C6orf89: variants seen among roughly 807,000 people sequenced by gnomAD.
C6orf89 encodes the protein bombesin receptor-activated protein C6orf89.
A neutral mutation model predicts 40.7 loss-of-function variants in C6orf89; 29 were observed. The observed-to-expected ratio is 0.71, with a 90% confidence interval of 0.53 to 0.97. The LOEUF (loss-of-function observed/expected upper bound fraction) is 0.97, where lower values mean the gene tolerates loss of function less well. Among genes scored for constraint, C6orf89 ranks in the 50% least tolerant of loss-of-function variants. C6orf89 has a pLI of 0.00. For missense variants in C6orf89, 392 were observed against 429.1 expected (o/e 0.91, Z 0.76); for synonymous variants, 165 against 152.2 (o/e 1.08, Z -0.62).
rs574916140 is a variant in C6orf89 at position 36,907,241 on chromosome 6, T to A, written c.403+4807T>A. On this transcript the variant is annotated intron_variant, in intron 4 of 8. Transcript: ENST00000480824. ...TCTTTTCTTTCTTCCCTATCCTTTT[T>A]ATCCAGAGGGAGTTTTTTGTCCTGG... Among the ~76,000 whole-genome samples, 76 of 152,172 alleles carry A rather than the reference T, an allele frequency of 5.0e-4. 1 individual carries two copies. The highest frequency in any genetic ancestry group is 9.4e-4 in the Non-Finnish European group (64 of 68,028).
At chr6:36,879,478 A>T (rs115667305) in intron 2 of C6orf89, among the ~76,000 whole-genome samples, 72 of 152,346 alleles carry the variant, frequency 4.7e-4, no homozygotes, top group African/African-American at 1.7e-3. Flanking sequence ...TGCCAGCAAA[A>T]GAGTAAGAAT....
At chr6:36,884,780 C>T (rs1370228556), upstream of C6orf89, among the ~76,000 whole-genome samples, 1 of 152,070 alleles carries the variant, frequency 6.6e-6, no homozygotes, top group Non-Finnish European at 1.5e-5. The surrounding 1 kb of genome is among the most constrained non-coding windows in gnomAD (Gnocchi z 4.0). Context: ...CCAAACCAAA[C>T]TAAAATGGAG....
chr6:36,904,767 A>C (rs1476710939), intron 4 of C6orf89, among the ~76,000 whole-genome samples: 1 of 152,170 alleles, frequency 6.6e-6, no homozygotes, highest in Non-Finnish European at 1.5e-5. Context: ...TCCCGAAAGG[A>C]AACCCCATAT....
In C6orf89 at chr6:36,916,794, C is replaced by A. The variant is rs139497629; in HGVS notation, c.825+220C>A. On this transcript the variant is annotated intron_variant, in intron 7 of 8. Transcript: ENST00000480824. ...GTTTCCAGAAAATCTAGTTACCTTG[C>A]AAATCTGCCTCCTGCCCTTAACACC... Among the ~76,000 whole-genome samples, 356 of 152,308 alleles carry A rather than the reference C, an allele frequency of 2.3e-3. 1 individual carries two copies. Among genetic ancestry groups the A allele is most frequent in the African/African-American group, 7.3e-3 (305 of 41,576 alleles).
Position 36,914,567 on chromosome 6 carries a change from T to C in C6orf89, c.569T>C (p.Leu190Pro). 6.2e-7 allele frequency: 1 copy of C among 1,614,156 alleles called. No homozygotes were observed. The highest frequency in any genetic ancestry group is 8.5e-7 in the Non-Finnish European group (1 of 1,179,954). Reference sequence around the variant, plus strand: ...TGCCTTGCCAAGACGGGAAAGCCCCTGTTGGAGGAAGAGATTCAGCATTTT... The same window carrying C: ...TGCCTTGCCAAGACGGGAAAGCCCCCGTTGGAGGAAGAGATTCAGCATTTT... ...HPLVIKTGKP[L>P]LEEEIQHFLC... Residue 190 changes from leucine (L) to proline (P), a missense_variant, in exon 6 of 9, where the codon CTG (leucine) becomes CCG (proline). By Grantham distance (98) the Leu-to-Pro change is moderately conservative. Coordinates refer to ENST00000480824, the MANE Select transcript of C6orf89 (RefSeq NM_001286635.2).
At chr6:36,872,208 T>C (rs900418758) in intron 1 of C6orf89, among the ~76,000 whole-genome samples, 1 of 151,572 alleles carries the variant, frequency 6.6e-6, no homozygotes, top group Non-Finnish European at 1.5e-5. Flanking sequence ...ACCCCTAAAT[T>C]AGGAAAAAAA....
intron 1 of C6orf89, among the ~76,000 whole-genome samples, chr6:36,893,295 A>G (rs573996465): frequency 1.3e-5 from 2 of 152,096 alleles, no homozygotes; most frequent in East Asian, 3.9e-4. Flanking sequence ...ATCGTATCCA[A>G]CCAAATCCCA....
At position 36,914,306 on chromosome 6, in the gene C6orf89, C is replaced by T. The variant is rs753838900; in HGVS notation, c.426C>T (p.Asn142=). ...PFPDFDPWWT[N]DCEQNESEPI... ...CAGACTTTGACCCCTGGTGGACAAACGACTGTGAGCAGAATGAGTCAGAGC... is the reference window on the plus strand; with the variant it reads ...CAGACTTTGACCCCTGGTGGACAAATGACTGTGAGCAGAATGAGTCAGAGC... Residue 142 remains asparagine (N), a synonymous_variant, in exon 5 of 9, where the codon AAC becomes AAT. Coordinates refer to ENST00000480824, the MANE Select transcript of C6orf89 (RefSeq NM_001286635.2). 6 of 1,613,778 alleles carry T rather than the reference C, an allele frequency of 3.7e-6. No homozygotes were observed. The highest frequency in any genetic ancestry group is 4.2e-6 in the Non-Finnish European group (5 of 1,179,890).
chr6:36,912,159 C>T (rs1329554816), intron 4 of C6orf89, among the ~76,000 whole-genome samples: 1 of 152,128 alleles, frequency 6.6e-6, no homozygotes, highest in Non-Finnish European at 1.5e-5. Flanking sequence ...CCTCTGCAGC[C>T]TGTTTCCTTA....
At chr6:36,887,470 GACAGGA>G (rs1775037372) in intron 1 of C6orf89, among the ~76,000 whole-genome samples, 1 of 152,186 alleles carries the variant, frequency 6.6e-6, no homozygotes, top group Admixed American at 6.5e-5. Flanking sequence ...GTGGGAGGTA[GACAGGA>G]AAATAGATGT....
At position 36,927,761 on chromosome 6, in the gene C6orf89, G is replaced by C. The variant is rs1359034359; in HGVS notation, c.*4320G>C. 6.6e-6 allele frequency: 1 copy of C among 152,300 alleles called. No individual in the cohort carries two copies. 9.4% of individuals were successfully genotyped at this position (152,300 alleles called of 1,614,324 possible). ...CTAGGAGAGTGAAGGCGCTTGTGGA[G>C]ACAGCTCTGTAGCAAATGAAACACG... On this transcript the variant is annotated 3_prime_UTR_variant, in exon 9 of 9. Transcript: ENST00000480824.
upstream of C6orf89, among the ~76,000 whole-genome samples, chr6:36,882,798 C>A (rs372622446): frequency 7.1e-6 from 1 of 141,644 alleles, no homozygotes; most frequent in African/African-American, 2.6e-5. Context: ...ACTGCAGTGG[C>A]GCAATCTCGG....
chr6:36,911,705 T>A (rs1477054108), intron 4 of C6orf89, among the ~76,000 whole-genome samples: 1 of 151,986 alleles, frequency 6.6e-6, no homozygotes, highest in Non-Finnish European at 1.5e-5. Context: ...CAGAAAAGTG[T>A]CATAATAAAT....
upstream of C6orf89, among the ~76,000 whole-genome samples, chr6:36,882,299 T>C (rs1774834966): frequency 1.3e-5 from 2 of 152,402 alleles, no homozygotes; most frequent in Middle Eastern, 3.4e-3. Flanking sequence ...CTCTAGATTA[T>C]CATGCTAAAT....
chr6:36,905,958 G>T (rs146330819), intron 4 of C6orf89, among the ~76,000 whole-genome samples: 1 of 152,282 alleles, frequency 6.6e-6, no homozygotes, highest in East Asian at 1.9e-4. Context: ...CTTACAGCCT[G>T]CCATCTCTGC....
chr6:36,900,251 G>T (rs1022667054), intron 3 of C6orf89, among the ~76,000 whole-genome samples: 1 of 151,412 alleles, frequency 6.6e-6, no homozygotes, highest in African/African-American at 2.4e-5. Context: ...GCCCAGGCTG[G>T]AGTGCAGTGG....
chr6:36,876,006 T>C (rs184379864), intron 1 of C6orf89, among the ~76,000 whole-genome samples: 85 of 152,356 alleles, frequency 5.6e-4, no homozygotes, highest in African/African-American at 2.0e-3. Flanking sequence ...CTTTGCTGAA[T>C]GAATAATGAA....
At chr6:36,889,681 G>A (rs919395169) in intron 1 of C6orf89, among the ~76,000 whole-genome samples, 1 of 152,060 alleles carries the variant, frequency 6.6e-6, no homozygotes, top group Non-Finnish European at 1.5e-5. Flanking sequence ...TCATTGGTTG[G>A]ATCCTGGATT....
At chr6:36,910,997 G>A (rs982897804) in intron 4 of C6orf89, among the ~76,000 whole-genome samples, 4 of 152,132 alleles carry the variant, frequency 2.6e-5, no homozygotes, top group Non-Finnish European at 5.9e-5. Context: ...AGTACTAACA[G>A]TTTTTTACTT....
Sources: allele counts gnomAD v4.1 joint callset (sites outside exome capture counted in the v4.1 genomes callset), GRCh38; gene constraint gnomAD v4.1.1; non-coding constraint Gnocchi (gnomAD v3.1); transcripts MANE v1.5; gene names NCBI Gene and HGNC (gene_info 2026-07-23, HGNC 2026-07-21).